The following THSD7B variants were observed in gnomAD, a reference collection of about 807,000 sequenced individuals.
THSD7B encodes the protein thrombospondin type-1 domain-containing protein 7B.
Under a neutral mutation model 213.6 loss-of-function variants are expected in THSD7B, and 138 were observed. The ratio of observed to expected loss-of-function variants is 0.65; its 90% CI spans 0.56 to 0.74. THSD7B has a LOEUF of 0.74. Among genes scored for constraint, THSD7B ranks in the 30% least tolerant of loss-of-function variants. The pLI is 0.00. For synonymous variants in THSD7B, 742 were observed against 687.0 expected (o/e 1.08, Z -1.25); for missense variants, 1,931 against 1,991.5 (o/e 0.97, Z 0.58).
intron 15 of THSD7B, among the ~76,000 whole-genome samples, chr2:137,458,198 C>T (rs946972245): frequency 1.3e-5 from 2 of 152,176 alleles, no homozygotes; most frequent in Non-Finnish European, 1.5e-5. Flanking sequence ...TGAAGGTTTC[C>T]CAGGGGTCTT....
intron 15 of THSD7B, among the ~76,000 whole-genome samples, chr2:137,554,999 G>A (rs1471310616): frequency 6.6e-6 from 1 of 152,200 alleles, no homozygotes; most frequent in African/African-American, 2.4e-5. Context: ...CTGAGGGAGG[G>A]GCGCCCACCA....
intron 10 of THSD7B, among the ~76,000 whole-genome samples, chr2:137,266,797 T>A (rs925735481): frequency 5.9e-5 from 9 of 152,214 alleles, no homozygotes; most frequent in African/African-American, 2.2e-4. Flanking sequence ...CTGCCTGTCC[T>A]ATCAGCCAGT....
At chr2:137,094,737 C>T in intron 3 of THSD7B, 136 bp from the exon 4 acceptor site, 1 of 1,117,648 alleles carries the variant, frequency 8.9e-7, no homozygotes, top group Non-Finnish European at 1.3e-6. Context: ...CATGATGTCT[C>T]TAAAATTTTT....
At chr2:137,220,657 C>T (rs1359554661) in intron 7 of THSD7B, among the ~76,000 whole-genome samples, 1 of 152,164 alleles carries the variant, frequency 6.6e-6, no homozygotes, top group Non-Finnish European at 1.5e-5. Flanking sequence ...ATAACATCTA[C>T]ACTTGCCATA....
intron 2 of THSD7B, among the ~76,000 whole-genome samples, chr2:136,976,728 T>C (rs1490471493): frequency 1.3e-5 from 2 of 152,058 alleles, no homozygotes; most frequent in African/African-American, 4.8e-5. Context: ...TTCACGCCAT[T>C]CTCCTGCCTC....
At chr2:137,077,698 T>C (rs1447640698) in intron 3 of THSD7B, among the ~76,000 whole-genome samples, 2 of 151,548 alleles carry the variant, frequency 1.3e-5, no homozygotes, top group Non-Finnish European at 2.9e-5. Flanking sequence ...TAAATTTGTT[T>C]GAGTTCATTG....
intron 2 of THSD7B, among the ~76,000 whole-genome samples, chr2:136,916,535 G>A (rs937686463): frequency 1.3e-5 from 2 of 152,198 alleles, no homozygotes; most frequent in African/African-American, 4.8e-5. Flanking sequence ...AAGTTTGTGA[G>A]CAGTAGAACT....
intron 6 of THSD7B, 29 bp from the exon 7 acceptor site, chr2:137,170,712 T>G: frequency 6.3e-7 from 1 of 1,597,050 alleles, no homozygotes; most frequent in Non-Finnish European, 8.5e-7. Context: ...AGTGGAATTC[T>G]CTGAAAATTC....
intron 1 of THSD7B, among the ~76,000 whole-genome samples, chr2:136,787,158 A>T (rs1681872652): frequency 1.3e-5 from 2 of 152,190 alleles, no homozygotes; most frequent in African/African-American, 4.8e-5. Context: ...GGAATTCATA[A>T]TCCAATATTA....
chr2:137,013,351 A>C (rs954030430), intron 2 of THSD7B, among the ~76,000 whole-genome samples: 1 of 152,176 alleles, frequency 6.6e-6, no homozygotes. Flanking sequence ...AGAGTTTCCA[A>C]GTCACAGCAC....
chr2:136,953,203 A>G (rs1278534739), intron 2 of THSD7B, among the ~76,000 whole-genome samples: 3 of 152,226 alleles, frequency 2.0e-5, no homozygotes, highest in Non-Finnish European at 4.4e-5. Flanking sequence ...TTGAGAACAA[A>G]GGGATGGGCA....
chr2:137,531,919 C>A (rs1680406021), intron 15 of THSD7B, among the ~76,000 whole-genome samples: 1 of 151,918 alleles, frequency 6.6e-6, no homozygotes, highest in African/African-American at 2.4e-5. Context: ...GTATTCCTCA[C>A]AGGAGGAATG....
chr2:137,154,888 T>G (rs1353618846), intron 5 of THSD7B, among the ~76,000 whole-genome samples: 2 of 152,210 alleles, frequency 1.3e-5, no homozygotes, highest in East Asian at 3.9e-4. Flanking sequence ...ACATATCCCC[T>G]ACCCAGCATA....
chr2:137,334,606 TCAGCATCA>T (rs1224368202), intron 12 of THSD7B, among the ~76,000 whole-genome samples: 1 of 152,120 alleles, frequency 6.6e-6, no homozygotes, highest in African/African-American at 2.4e-5. Context: ...CCACAGCAAA[TCAGCATCA>T]ATCACTGACC....
chr2:137,198,510 C>T (rs1680810448), intron 7 of THSD7B, among the ~76,000 whole-genome samples: 1 of 152,182 alleles, frequency 6.6e-6, no homozygotes. Context: ...AATTCCCCTA[C>T]TACTGCCAAC....
At chr2:137,075,589 TAA>T (rs1687603939) in intron 3 of THSD7B, among the ~76,000 whole-genome samples, 3 of 152,330 alleles carry the variant, frequency 2.0e-5, no homozygotes, top group Admixed American at 2.0e-4. Context: ...CTCAACTCGT[TAA>T]AGTCATTCTC....
At position 136,800,772 on chromosome 2, in the gene THSD7B, CAGAG is replaced by C. The variant is rs146528799; in HGVS notation, c.-36+35111_-36+35114del. Among the ~76,000 whole-genome samples, 799 of 146,660 alleles carry C rather than the reference CAGAG, an allele frequency of 5.4e-3. 1 individual carries two copies. Among genetic ancestry groups the C allele is most frequent in the South Asian group, 0.013 (60 of 4,572 alleles). On this transcript the variant is annotated intron_variant, in intron 1 of 27. Coordinates refer to ENST00000409968, the MANE Select transcript of THSD7B (RefSeq NM_001316349.2). The stretch of plus-strand genomic sequence containing the variant: ...GAAACTGTGAGATAAAATGGTAAGG[CAGAG>C]AGAGAGAGAGAGAGAGAGAGAGAGA...
intron 15 of THSD7B, among the ~76,000 whole-genome samples, chr2:137,528,275 G>A (rs2105175958): frequency 6.6e-6 from 1 of 152,164 alleles, no homozygotes; most frequent in South Asian, 2.1e-4. Context: ...AGGAGGAGGA[G>A]TCAGACAGCC....
chr2:136,808,139 A>G (rs1392298974), intron 1 of THSD7B, among the ~76,000 whole-genome samples: 2 of 152,190 alleles, frequency 1.3e-5, no homozygotes, highest in Non-Finnish European at 1.5e-5. Flanking sequence ...TACTTGTTCA[A>G]TCCAAATACT....
Sources: gnomAD v4.1 joint callset for allele counts (sites outside exome capture counted in the v4.1 genomes callset) on GRCh38, gnomAD v4.1.1 for gene constraint, MANE v1.5 for transcripts, NCBI Gene and HGNC (gene_info 2026-07-23, HGNC 2026-07-21) for gene names.